ROBO2: variants seen among roughly 807,000 people sequenced by gnomAD.
ROBO2 encodes the protein roundabout guidance receptor 2.
A neutral mutation model predicts 160.8 loss-of-function variants in ROBO2; 53 were observed. The observed-to-expected ratio is 0.33, with a 90% CI of 0.26 to 0.41. The LOEUF (loss-of-function observed/expected upper bound fraction) is 0.41, where lower values mean the gene tolerates loss of function less well. Ranked by LOEUF, ROBO2 falls within the 10% of genes least tolerant of loss-of-function variation. ROBO2 has a pLI of 1.00. For synonymous variants in ROBO2, 664 were observed against 611.7 expected (o/e 1.09, Z -1.26); for missense variants, 1,577 against 1,722.4 (o/e 0.92, Z 1.49).
At chr3:76,694,493 C>A (rs962886338) in intron 2 of ROBO2, among the ~76,000 whole-genome samples, 2 of 152,044 alleles carry the variant, frequency 1.3e-5, no homozygotes, top group African/African-American at 4.8e-5. Flanking sequence ...TCTCACCAAT[C>A]AGAAAGCCAC....
At chr3:76,860,814 T>C (rs774025459) in intron 2 of ROBO2, among the ~76,000 whole-genome samples, 1 of 152,216 alleles carries the variant, frequency 6.6e-6, no homozygotes, top group Non-Finnish European at 1.5e-5. Flanking sequence ...CTCTTGCCTT[T>C]TCTTCACAGA....
At chr3:77,586,940 T>C (rs2094065794) in intron 16 of ROBO2, among the ~76,000 whole-genome samples, 1 of 151,506 alleles carries the variant, frequency 6.6e-6, no homozygotes, top group Non-Finnish European at 1.5e-5. Flanking sequence ...ATGACGCTGG[T>C]TTTTAAATCT....
rs146263814 is a variant in ROBO2, at chr3:76,136,730, A to G, written c.109+199128A>G. ...ATGAGTGGTTGAGAAAAAAAAGAAC[A>G]AAGGGAAAAGGAGGTTGTAAAAACA... On this transcript the variant is annotated intron_variant, in intron 2 of 26. Transcript: ENST00000487694. Among the ~76,000 whole-genome samples, 1,426 of 152,192 alleles carry G rather than the reference A, an allele frequency of 9.4e-3. 23 individuals carry two copies. The highest frequency in any genetic ancestry group is 0.033 in the African/African-American group (1,376 of 41,554).
chr3:77,616,373 G>GA (rs571211727), intron 21 of ROBO2, among the ~76,000 whole-genome samples: 1 of 151,158 alleles, frequency 6.6e-6, no homozygotes, highest in East Asian at 2.0e-4. Context: ...AGTTGGAAAG[G>GA]TTTTTTTTTA....
At chr3:76,833,143 T>A (rs1019862559) in intron 2 of ROBO2, among the ~76,000 whole-genome samples, 1 of 152,158 alleles carries the variant, frequency 6.6e-6, no homozygotes, top group African/African-American at 2.4e-5. Flanking sequence ...AATGTGGGAC[T>A]CTGAAGAAGT....
chr3:76,434,678 TCAGGTCCTCCTCCCCGTTCACCAGG>T, intron 2 of ROBO2: 1 of 1,150,668 alleles, frequency 8.7e-7, no homozygotes, highest in South Asian at 1.2e-5. Context: ...CTCTGCTGGA[TCAGGTCCTCCTCCCCGTTCACCAGG>T]CAGGCCCCCC....
chr3:76,674,598 T>TCACACACACACACACACACACACACA (rs71104613), intron 2 of ROBO2, among the ~76,000 whole-genome samples: 2 of 148,068 alleles, frequency 1.4e-5, no homozygotes, highest in Non-Finnish European at 3.0e-5. Context: ...ACCTCCTAGT[T>TCACACACACACACACACACACACACA]CACACACACA....
rs1423623583 is a variant in ROBO2 at position 76,394,785 on chromosome 3, A to G, written c.109+457183A>G. ...CAACAAGAAGAGCTAACTATCCTAA[A>G]TATATATGCACCCAATACAGGAGGA... On this transcript the variant is annotated intron_variant, in intron 2 of 26. Transcript: ENST00000487694. Among the ~76,000 whole-genome samples, 54 of 152,154 alleles carry G rather than the reference A, an allele frequency of 3.5e-4. 1 individual carries two copies. The highest frequency in any genetic ancestry group is 3.5e-3 in the Admixed American group (54 of 15,264).
intron 2 of ROBO2, among the ~76,000 whole-genome samples, chr3:76,911,736 A>G (rs2148934198): frequency 6.6e-6 from 1 of 152,300 alleles, no homozygotes; most frequent in Non-Finnish European, 1.5e-5. Flanking sequence ...TTGACTGGCA[A>G]TGCATAAAAG....
At chr3:76,414,096 T>C (rs1027719176) in intron 2 of ROBO2, among the ~76,000 whole-genome samples, 5 of 152,110 alleles carry the variant, frequency 3.3e-5, no homozygotes, top group East Asian at 1.9e-4. Context: ...GTGAGACTTA[T>C]TCACTATCTT....
intron 2 of ROBO2, among the ~76,000 whole-genome samples, chr3:76,739,180 C>T (rs375313888): frequency 2.0e-5 from 3 of 152,228 alleles, no homozygotes; most frequent in East Asian, 3.9e-4. Context: ...CACACGCACA[C>T]ATATGTTTAT....
At chr3:77,559,075 A>G (rs976133815) in intron 9 of ROBO2, among the ~76,000 whole-genome samples, 7 of 152,090 alleles carry the variant, frequency 4.6e-5, no homozygotes, top group African/African-American at 1.7e-4. Flanking sequence ...GGCTGTTGGC[A>G]GGAGGTTGCC....
intron 2 of ROBO2, among the ~76,000 whole-genome samples, chr3:76,630,170 T>C (rs9841517): frequency 0.025 from 3,795 of 152,288 alleles, 158 homozygotes; most frequent in African/African-American, 0.087. Flanking sequence ...AGAGTTTGCA[T>C]GTTCTCTCTA....
intron 2 of ROBO2, among the ~76,000 whole-genome samples, chr3:76,308,108 G>A (rs1222637799): frequency 6.6e-6 from 1 of 152,128 alleles, no homozygotes; most frequent in East Asian, 1.9e-4. Context: ...GCTGGGCATG[G>A]TGGCTCACGC....
chr3:77,006,046 CTT>C (rs35772031), intron 2 of ROBO2, among the ~76,000 whole-genome samples: 2 of 151,146 alleles, frequency 1.3e-5, no homozygotes, highest in East Asian at 1.9e-4. Flanking sequence ...TGCTTATAGA[CTT>C]TTTTTTTCAG....
chr3:76,328,885 TATA>T (rs2073249637), intron 2 of ROBO2, among the ~76,000 whole-genome samples: 1 of 3,984 alleles, frequency 2.5e-4, no homozygotes, highest in African/African-American at 3.6e-4. Flanking sequence ...CAAAAACAAA[TATA>T]TATATATATA....
intron 2 of ROBO2, among the ~76,000 whole-genome samples, chr3:77,195,706 G>A (rs573371276): frequency 6.6e-6 from 1 of 152,254 alleles, no homozygotes; most frequent in East Asian, 1.9e-4. Context: ...TATAATAATT[G>A]TCTGTACTTG....
chr3:77,289,477 G>C (rs966963292), intron 2 of ROBO2, among the ~76,000 whole-genome samples: 5 of 151,034 alleles, frequency 3.3e-5, no homozygotes, highest in African/African-American at 4.9e-5. Context: ...GTTGAGGCTA[G>C]AGCACTAAAG....
intron 2 of ROBO2, among the ~76,000 whole-genome samples, chr3:76,407,207 T>G (rs749769110): frequency 1.3e-5 from 2 of 151,880 alleles, no homozygotes; most frequent in African/African-American, 2.4e-5. Context: ...ATTTTACATT[T>G]TACGTAGAGA....
Sources: gnomAD v4.1 joint callset for allele counts (sites outside exome capture counted in the v4.1 genomes callset) on GRCh38, gnomAD v4.1.1 for gene constraint, MANE v1.5 for transcripts, NCBI Gene and HGNC (gene_info 2026-07-23, HGNC 2026-07-21) for gene names.